The following ZNF292 variants were observed in gnomAD, a reference collection of about 807,000 sequenced individuals.
The protein encoded by ZNF292 is zinc finger protein 292.
In ZNF292, 26 loss-of-function variants were observed where a neutral mutation model predicts 217.9. The observed-to-expected ratio is 0.12, with a 90% CI of 0.09 to 0.17. The LOEUF is 0.17. Ranked by LOEUF, ZNF292 falls within the 10% of genes least tolerant of loss-of-function variation. The probability of loss-of-function intolerance (pLI) is 1.00; values close to 1 mark genes in which losing one functional copy is unlikely to be tolerated. For synonymous variants in ZNF292, 1,257 were observed against 1,124.1 expected, an observed-to-expected ratio of 1.12 and a Z score of -2.37; for missense variants, 2,904 against 3,175.2, an observed-to-expected ratio of 0.91 and a Z score of 2.05.
chr6:87,255,054 C>T lies in ZNF292; in HGVS notation c.1425C>T (p.Asp475=). 1 of 1,613,612 alleles carries T rather than the reference C, an allele frequency of 6.2e-7. No individual in the cohort carries two copies. Among genetic ancestry groups the T allele is most frequent in the Non-Finnish European group, 8.5e-7 (1 of 1,179,838 alleles). The change falls in exon 8 of 8, where the codon GAC becomes GAT. Residue 475 remains aspartate, a synonymous_variant. Transcript: ENST00000369577. ...SIVSSIDELN[D]SEVYEKVVDY... ...TGTCTTCAATAGATGAACTAAATGA[C>T]AGTGAAGTATATGAAAAAGTGGTAG...
chr6:87,177,515 T>G (rs1771340766), intron 1 of ZNF292, among the ~76,000 whole-genome samples: 1 of 152,180 alleles, frequency 6.6e-6, no homozygotes, highest in South Asian at 2.1e-4. Flanking sequence ...AAATATTTGT[T>G]TTTTCATGAA....
intron 1 of ZNF292, among the ~76,000 whole-genome samples, chr6:87,193,563 C>T (rs375248056): frequency 3.3e-5 from 5 of 151,574 alleles, no homozygotes; most frequent in East Asian, 1.9e-4. Flanking sequence ...AAAATGCAGG[C>T]GCAACACAGT....
rs1194753445 is a variant in ZNF292 at position 87,175,308 on chromosome 6, G to C, written c.168+19549G>C. On this transcript the variant is annotated intron_variant, in intron 1 of 7. Transcript: ENST00000369577. ...TTATTGCCTTCATTACTTTTTCATT[G>C]CAGTTTGGATTCAACTCTTCAACCA... is the stretch of plus-strand genomic sequence containing the variant. Among the ~76,000 whole-genome samples the C allele has an allele frequency of 2.0e-5, 3 of 151,838 alleles. No individual in the cohort carries two copies. In the East Asian group the frequency reaches 5.8e-4, roughly 29 times the overall value.
chr6:87,161,484 A>T (rs1264521746), intron 1 of ZNF292, among the ~76,000 whole-genome samples: 1 of 152,222 alleles, frequency 6.6e-6, no homozygotes, highest in African/African-American at 2.4e-5. Flanking sequence ...GTGCAGTGAC[A>T]CAGTCACGGC....
At chr6:87,221,726 G>T (rs1191115706) in intron 4 of ZNF292, among the ~76,000 whole-genome samples, 3 of 152,002 alleles carry the variant, frequency 2.0e-5, no homozygotes, top group Admixed American at 6.6e-5. Context: ...ACCTTGATGT[G>T]GCATGATTAT....
chr6:87,243,724 G>T, intron 6 of ZNF292, 113 bp downstream of exon 6: 1 of 1,053,224 alleles, frequency 9.5e-7, no homozygotes. Flanking sequence ...AAGACAAAAG[G>T]CTTATATTTA....
intron 4 of ZNF292, among the ~76,000 whole-genome samples, chr6:87,225,483 AATTTT>A (rs1237207477): frequency 6.6e-6 from 1 of 152,086 alleles, no homozygotes; most frequent in Non-Finnish European, 1.5e-5. Flanking sequence ...CTTTTCTAGA[AATTTT>A]ATAGTTTCAC....
intron 1 of ZNF292, among the ~76,000 whole-genome samples, chr6:87,205,911 A>G (rs775917499): frequency 6.6e-6 from 1 of 152,192 alleles, no homozygotes; most frequent in Admixed American, 6.5e-5. Flanking sequence ...CAAATTTTGC[A>G]TAATAAACCA....
At chr6:87,181,644 T>C (rs1175003030) in intron 1 of ZNF292, among the ~76,000 whole-genome samples, 2 of 152,126 alleles carry the variant, frequency 1.3e-5, no homozygotes, top group Admixed American at 6.6e-5. Flanking sequence ...CATGTGTATA[T>C]GAAACTTTGC....
intron 5 of ZNF292, among the ~76,000 whole-genome samples, chr6:87,240,382 AG>A (rs1774215584): frequency 3.6e-5 from 1 of 27,962 alleles, no homozygotes. Flanking sequence ...TGGGTGGGGG[AG>A]GGGGAGGGGG....
chr6:87,251,366 G>A (rs139887507), intron 7 of ZNF292, among the ~76,000 whole-genome samples: 311 of 152,344 alleles, frequency 2.0e-3, no homozygotes, highest in Admixed American at 4.2e-3. Flanking sequence ...GAAACTGAAA[G>A]CAACATGCAA....
rs763064551 is a variant in ZNF292, at chr6:87,243,606, C to T, written c.873C>T (p.Cys291=). Residue 291 remains cysteine (C), a synonymous_variant, in exon 6 of 8, where the codon TGC becomes TGT. Coordinates refer to ENST00000369577, the MANE Select transcript of ZNF292 (RefSeq NM_015021.3). ...SRQLQQGDMY[C]AWELTLFWSK... ...AGCTCCAACAAGGAGATATGTACTG[C>T]GCTTGGTGAGTTGATCTTTTTTTTT... 2.5e-5 allele frequency: 37 copies of T among 1,474,362 alleles called. No homozygotes were observed. In the Admixed American group the frequency reaches 6.7e-4, roughly 27 times the overall value. 91.3% of individuals were successfully genotyped at this position (1,474,362 alleles called of 1,614,324 possible).
At position 87,257,194 on chromosome 6, in the gene ZNF292, C is replaced by A. The variant is rs1490979416; in HGVS notation, c.3565C>A (p.Pro1189Thr). ...TTCGGCCCAGTTGCAGCATGTCTCG[C>A]CACCCATTTTTCCAGCTCATTTAGC... ...ACSAQLQHVS[P>T]PIFPAHLASV... The change falls in exon 8 of 8, where the codon CCA (proline) becomes ACA (threonine). Residue 1189 changes from proline (P) to threonine (T), a missense_variant. Around this residue, in one of 15 missense-constraint regions of ZNF292, gnomAD observed 687 missense variants for 623.0 expected, o/e 1.10. Transcript: ENST00000369577. The A allele has an allele frequency of 6.2e-7, 1 of 1,613,850 alleles. No homozygotes were observed. The highest frequency in any genetic ancestry group is 1.6e-4 in the Middle Eastern group (1 of 6,062).
chr6:87,187,045 T>C (rs1323571111), intron 1 of ZNF292, among the ~76,000 whole-genome samples: 7 of 152,218 alleles, frequency 4.6e-5, no homozygotes, highest in Non-Finnish European at 1.0e-4. Flanking sequence ...TTTTTAGTTA[T>C]TAATATTATA....
intron 1 of ZNF292, among the ~76,000 whole-genome samples, chr6:87,166,042 G>A (rs1240284784): frequency 6.6e-6 from 1 of 152,144 alleles, no homozygotes; most frequent in African/African-American, 2.4e-5. Flanking sequence ...ACAGGCGGGA[G>A]CCCTGTCACC....
At chr6:87,182,384 G>A (rs1481067913) in intron 1 of ZNF292, among the ~76,000 whole-genome samples, 2 of 151,986 alleles carry the variant, frequency 1.3e-5, no homozygotes, top group African/African-American at 4.8e-5. Context: ...TTTCCACCTG[G>A]TTATTTCCTT....
chr6:87,257,439 T>G lies in ZNF292; in HGVS notation c.3810T>G (p.Ser1270Arg), dbSNP rs1324524369. Reference sequence around the variant, plus strand: ...TCCTTCCTTTACCTGCAGAAAGTAGTTCAATGTCTCTCTTCCCTTCACCAG... The same window carrying G: ...TCCTTCCTTTACCTGCAGAAAGTAGGTCAATGTCTCTCTTCCCTTCACCAG... ...DPFLPLPAES[S>R]SMSLFPSPAD... is the part of the protein sequence containing the mutation. Residue 1270 changes from serine to arginine, a missense_variant, in exon 8 of 8, where the codon AGT becomes AGG. By Grantham distance (110) the Ser-to-Arg change is moderately radical (BLOSUM62 -1). This residue lies in a region of ZNF292 where 687 missense variants were observed against 623.0 expected (regional missense o/e 1.10). Transcript: ENST00000369577. 1.2e-6 allele frequency: 2 copies of G among 1,613,398 alleles called. No individual in the cohort carries two copies. The highest frequency in any genetic ancestry group is 3.3e-5 in the Admixed American group (2 of 59,866).
rs781242889 is a variant in ZNF292 at position 87,261,217 on chromosome 6, T to C, written c.7588T>C (p.Leu2530=). The C allele has an allele frequency of 6.2e-6, 10 of 1,610,340 alleles. No individual in the cohort carries two copies. The Admixed American group carries it at 1.7e-4, about 27-fold the overall frequency. Residue 2530 remains leucine, a synonymous_variant, in exon 8 of 8, where the codon TTG becomes CTG. Coordinates refer to ENST00000369577, the MANE Select transcript of ZNF292 (RefSeq NM_015021.3). The part of the protein sequence containing the change: ...CQSERQKASN[L]KRVNKEKNVS... ...GTCAGAAAGACAAAAAGCAAGTAAT[T>C]TGAAGAGAGTTAATAAGGAAAAAAA...
At position 87,218,588 on chromosome 6, in the gene ZNF292, A is replaced by G. The variant is rs369222115; in HGVS notation, c.403-8A>G. Reference sequence around the variant, plus strand: ...GTAATTCTTTGGATGTTTATTTAATATTTATAGGTAGCTCATGAAAAGCTG... The same window carrying G: ...GTAATTCTTTGGATGTTTATTTAATGTTTATAGGTAGCTCATGAAAAGCTG... On this transcript the variant is annotated splice_region_variant and splice_polypyrimidine_tract_variant and intron_variant, in intron 3 of 7. Coordinates refer to ENST00000369577, the MANE Select transcript of ZNF292 (RefSeq NM_015021.3). 3 of 1,530,316 alleles carry G rather than the reference A, an allele frequency of 2.0e-6. No individual in the cohort carries two copies. In the African/African-American group the frequency reaches 4.2e-5, roughly 21 times the overall value. The allele number at this position is 1,530,316 out of a possible 1,614,324, so 94.8% of individuals were successfully genotyped here. A position where few individuals can be genotyped will look rare whatever the true frequency, so the allele number is the denominator to read the frequency against.
Sources: gnomAD v4.1 joint callset for allele counts (sites outside exome capture counted in the v4.1 genomes callset) on GRCh38, gnomAD v4.1.1 for gene constraint, gnomAD v4.1.1 regional missense constraint, MANE v1.5 for transcripts, NCBI Gene and HGNC (gene_info 2026-07-23, HGNC 2026-07-21) for gene names.